The following TOM1L2 variants were observed in gnomAD, a reference collection of about 807,000 sequenced individuals.
TOM1L2 encodes the protein TOM1-like protein 2.
TOM1L2 carries 31 observed loss-of-function variants against 67.9 expected under a neutral mutation model. The observed-to-expected ratio is 0.46, with a 90% CI of 0.34 to 0.62. The LOEUF (loss-of-function observed/expected upper bound fraction) is 0.62, where lower values mean the gene tolerates loss of function less well. Among genes scored for constraint, TOM1L2 ranks in the 20% least tolerant of loss-of-function variants. TOM1L2 has a pLI of 0.01. For missense variants in TOM1L2, 606 were observed against 663.5 expected, an observed-to-expected ratio of 0.91 and a Z score of 0.95; for synonymous variants, 256 against 254.0, an observed-to-expected ratio of 1.01 and a Z score of -0.07.
intron 12 of TOM1L2, 133 bp from the exon 13 acceptor site, chr17:17,851,085 A>G: frequency 1.1e-6 from 1 of 925,204 alleles, no homozygotes; most frequent in Admixed American, 2.0e-5. Flanking sequence ...AAAAAACACA[A>G]TTGGCACAGC....
rs2036857759 is a variant in TOM1L2, at chr17:17,866,503, G to C, written c.961-84C>G. The C allele has an allele frequency of 4.1e-6, 6 of 1,457,620 alleles. No homozygotes were observed. The Admixed American group carries it at 1.6e-4, about 39-fold the overall frequency. The allele number at this position is 1,457,620 out of a possible 1,614,324, so 90.3% of individuals were successfully genotyped here. On this transcript the variant is annotated intron_variant, in intron 9 of 14. Transcript: ENST00000379504. The stretch of plus-strand genomic sequence containing the variant: ...GAAGCTGGCAAGGCAACTATGCAGG[G>C]TTCCAAGAAGAAAAGTATCAGCGCT...
intron 2 of TOM1L2, among the ~76,000 whole-genome samples, chr17:17,905,237 T>C (rs1464461469): frequency 1.3e-5 from 2 of 152,198 alleles, no homozygotes; most frequent in Non-Finnish European, 2.9e-5. Context: ...TTTCATCCAG[T>C]GCAGGCCACT....
intron 5 of TOM1L2, 141 bp from the exon 6 acceptor site, chr17:17,883,004 G>A: frequency 3.0e-6 from 3 of 1,013,452 alleles, no homozygotes; most frequent in Middle Eastern, 6.5e-4. Context: ...CCCGGGTGAG[G>A]TTCACAGAAC....
At chr17:17,872,135 G>A in intron 7 of TOM1L2, 1 of 746,568 alleles carries the variant, frequency 1.3e-6, no homozygotes, top group Non-Finnish European at 1.6e-6. Flanking sequence ...ACTGTACACA[G>A]GAAAACCAAC....
intron 1 of TOM1L2, among the ~76,000 whole-genome samples, chr17:17,910,600 C>T (rs780781643): frequency 7.2e-5 from 11 of 152,070 alleles, no homozygotes; most frequent in East Asian, 1.9e-4. Context: ...GACAGAGTCT[C>T]ACTCCATTGT....
chr17:17,881,159 T>C (rs73299885), intron 6 of TOM1L2, among the ~76,000 whole-genome samples: 8,727 of 152,280 alleles, frequency 0.057, 708 homozygotes, highest in African/African-American at 0.18. Context: ...GTCTGGGTCC[T>C]GAGAGGCTCT....
At chr17:17,939,820 C>G (rs2040656342) in intron 1 of TOM1L2, among the ~76,000 whole-genome samples, 1 of 152,134 alleles carries the variant, frequency 6.6e-6, no homozygotes, top group South Asian at 2.1e-4. Context: ...ACTCAATAAA[C>G]ACATTTGTTG....
chr17:17,871,903 C>T (rs1486628055), intron 7 of TOM1L2: 7 of 855,692 alleles, frequency 8.2e-6, no homozygotes, highest in South Asian at 5.3e-5. Flanking sequence ...GAGGTGAATA[C>T]GGGATCTTAA....
chr17:17,919,320 G>A (rs1026385780), intron 1 of TOM1L2, among the ~76,000 whole-genome samples: 1 of 152,150 alleles, frequency 6.6e-6, no homozygotes, highest in Non-Finnish European at 1.5e-5. Flanking sequence ...CTCTGCCAGT[G>A]CCCTCCCCTT....
intron 1 of TOM1L2, among the ~76,000 whole-genome samples, chr17:17,926,880 G>A (rs879721873): frequency 7.9e-5 from 12 of 151,904 alleles, no homozygotes; most frequent in Non-Finnish European, 1.6e-4. Context: ...GAAAGAAAAA[G>A]AAAAAGAAAT....
At chr17:17,964,550 T>G (rs1474428841) in intron 1 of TOM1L2, among the ~76,000 whole-genome samples, 1 of 152,218 alleles carries the variant, frequency 6.6e-6, no homozygotes, top group Non-Finnish European at 1.5e-5. Context: ...CCTTTGCATT[T>G]TTTCTATATC....
rs61501350 is a variant in TOM1L2, at chr17:17,955,345, T to G, written c.52+16917A>C. Among the ~76,000 whole-genome samples, 654 of 146,418 alleles carry G rather than the reference T, an allele frequency of 4.5e-3. 3 individuals carry two copies. Among genetic ancestry groups the G allele is most frequent in the African/African-American group, 9.9e-3 (384 of 38,670 alleles). On this transcript the variant is annotated intron_variant, in intron 1 of 14. Coordinates refer to ENST00000379504, the MANE Select transcript of TOM1L2 (RefSeq NM_001082968.2). The stretch of plus-strand genomic sequence containing the variant: ...AATTCCTTTTTTTTTTTTTTTTTTT[T>G]TTTTTGTTTTTGAGACAAGAGACTT...
intron 2 of TOM1L2, among the ~76,000 whole-genome samples, chr17:17,905,416 T>C (rs142277648): frequency 6.6e-6 from 1 of 152,346 alleles, no homozygotes; most frequent in East Asian, 1.9e-4. Flanking sequence ...CCTTAACTCT[T>C]CATTCCTGTC....
chr17:17,969,608 C>T (rs1363258519), intron 1 of TOM1L2, among the ~76,000 whole-genome samples: 2 of 152,154 alleles, frequency 1.3e-5, no homozygotes, highest in Non-Finnish European at 2.9e-5. Context: ...GAGCCATCAT[C>T]ATCTTTAGTC....
intron 12 of TOM1L2, among the ~76,000 whole-genome samples, chr17:17,851,960 A>G (rs1568049204): frequency 6.6e-6 from 1 of 152,178 alleles, no homozygotes; most frequent in Admixed American, 6.5e-5. Context: ...ATATGACATG[A>G]TAAGAAGCTC....
Position 17,861,463 on chromosome 17 carries a change from G to A in TOM1L2, c.1278+13C>T. 6.2e-7 allele frequency: 1 copy of A among 1,613,300 alleles called. No individual in the cohort carries two copies. The highest frequency in any genetic ancestry group is 8.5e-7 in the Non-Finnish European group (1 of 1,179,440). ...AGAAGACTCCAGGCAGAAAAACAGGGTTAAAGACCTACCCCTTCTGAACTC... is the reference window on the plus strand; with the variant it reads ...AGAAGACTCCAGGCAGAAAAACAGGATTAAAGACCTACCCCTTCTGAACTC... On this transcript the variant is annotated intron_variant, in intron 12 of 14. Transcript: ENST00000379504.
At chr17:17,923,066 A>G (rs779566865) in intron 1 of TOM1L2, among the ~76,000 whole-genome samples, 3 of 152,212 alleles carry the variant, frequency 2.0e-5, no homozygotes, top group African/African-American at 7.2e-5. Flanking sequence ...AAAGACTCCC[A>G]GAAGTTTCCC....
At chr17:17,907,807 T>G (rs1314671679) in intron 1 of TOM1L2, among the ~76,000 whole-genome samples, 1 of 152,172 alleles carries the variant, frequency 6.6e-6, no homozygotes. Flanking sequence ...CATGAGGATA[T>G]TAGGTTTATG....
At chr17:17,955,280 C>T (rs1031393334) in intron 1 of TOM1L2, among the ~76,000 whole-genome samples, 4 of 151,758 alleles carry the variant, frequency 2.6e-5, no homozygotes, top group South Asian at 2.1e-4. Context: ...ACTTCTCAAA[C>T]CACAGCAGCT....
Sources: gnomAD v4.1 joint callset for allele counts (sites outside exome capture counted in the v4.1 genomes callset) on GRCh38, gnomAD v4.1.1 for gene constraint, MANE v1.5 for transcripts, NCBI Gene and HGNC (gene_info 2026-07-23, HGNC 2026-07-21) for gene names.